Variants in NBAS observed in about 807,000 individuals in gnomAD.
NBAS encodes the protein NBAS subunit of NRZ tethering complex, also known as NAG/BC035112 fusion.
A neutral mutation model predicts 302.5 loss-of-function variants in NBAS; 219 were observed. The observed-to-expected ratio is 0.72, with a 90% CI of 0.65 to 0.81. NBAS has a LOEUF of 0.81. NBAS is among the 30% of genes least tolerant of loss of function. The pLI, the probability that NBAS is intolerant of heterozygous loss-of-function variation, is 0.00. For synonymous variants in NBAS, 1,118 were observed against 1,021.6 expected (o/e 1.09, Z -1.80); for missense variants, 2,932 against 2,841.6 (o/e 1.03, Z -0.72).
chr2:14,792,363 G>A, the NBAS span, among the ~76,000 whole-genome samples: 7 of 152,204 alleles, frequency 4.6e-5, no homozygotes, highest in African/African-American at 1.4e-4. Flanking sequence ...GTGGTCTACA[G>A]TTGGGCAAAA....
the NBAS span, among the ~76,000 whole-genome samples, chr2:15,067,480 G>A: frequency 5.3e-4 from 76 of 143,854 alleles, no homozygotes; most frequent in African/African-American, 1.9e-3. Flanking sequence ...GAGGGGAGAG[G>A]AGAAGAGAAG....
At chr2:15,308,850 T>C (rs975911469) in intron 39 of NBAS, among the ~76,000 whole-genome samples, 21 of 152,114 alleles carry the variant, frequency 1.4e-4, no homozygotes, top group African/African-American at 5.1e-4. Flanking sequence ...ACCTAATTTA[T>C]TGAGAGTTTT....
chr2:15,489,701 G>A (rs1421079702), intron 11 of NBAS, among the ~76,000 whole-genome samples: 1 of 152,214 alleles, frequency 6.6e-6, no homozygotes, highest in Non-Finnish European at 1.5e-5. Context: ...CAGAGGAAGA[G>A]TTATCCTTCC....
At chr2:15,024,128 T>A in the NBAS span, among the ~76,000 whole-genome samples, 2 of 152,008 alleles carry the variant, frequency 1.3e-5, no homozygotes, top group Admixed American at 1.3e-4. Context: ...CCTCCCACCC[T>A]CCTTTCTCCA....
rs139721454 is a variant in NBAS at position 15,330,608 on chromosome 2, C to T, written c.4337G>A (p.Arg1446Gln). 7.6e-5 allele frequency: 122 copies of T among 1,613,626 alleles called. No homozygotes were observed. The highest frequency in any genetic ancestry group is 3.3e-4 in the Middle Eastern group (2 of 6,080). Residue 1446 changes from arginine to glutamine, a missense_variant, in exon 36 of 52, where the codon CGA becomes CAA. By Grantham distance (43) the Arg-to-Gln change is conservative. Coordinates refer to ENST00000281513, the MANE Select transcript of NBAS (RefSeq NM_015909.4). The stretch of plus-strand genomic sequence containing the variant: ...AGATGCACTGCTTACCTGAAGGGGT[C>T]GAAGGTAAGTTAAAGACTTCTTCCA... ...QWWKKSLTYL[R>Q]PLQGQKCGGA...
intron 8 of NBAS, 54 bp downstream of exon 8, chr2:15,536,364 T>G: frequency 6.3e-7 from 1 of 1,582,318 alleles, no homozygotes; most frequent in Non-Finnish European, 8.6e-7. Context: ...AATCTGACAT[T>G]AAACCAGAGA....
At position 15,405,331 on chromosome 2, in the gene NBAS, T is replaced by C. The variant is rs374419033; in HGVS notation, c.2938-3030A>G. Among the ~76,000 whole-genome samples, 6 of 152,252 alleles carry C rather than the reference T, an allele frequency of 3.9e-5. No homozygotes were observed. In the East Asian group the frequency reaches 7.7e-4, roughly 19 times the overall value. ...GCCATTCTGCATATCTTTTAAAATA[T>C]AATCTATCATGTACATGAAACATAC... is the stretch of plus-strand genomic sequence containing the variant. On this transcript the variant is annotated intron_variant, in intron 25 of 51. Transcript: ENST00000281513.
intron 10 of NBAS, among the ~76,000 whole-genome samples, chr2:15,506,870 A>C (rs977925681): frequency 2.0e-5 from 3 of 152,252 alleles, no homozygotes; most frequent in African/African-American, 7.2e-5. Flanking sequence ...AATACGAAGA[A>C]AACAAACTCG....
chr2:15,023,401 A>T, the NBAS span, among the ~76,000 whole-genome samples: 1 of 152,140 alleles, frequency 6.6e-6, no homozygotes, highest in East Asian at 1.9e-4. Flanking sequence ...TGAGTTCTTA[A>T]ATCATGGGAA....
chr2:14,871,674 T>C, the NBAS span, among the ~76,000 whole-genome samples: 1 of 152,102 alleles, frequency 6.6e-6, no homozygotes, highest in Non-Finnish European at 1.5e-5. Context: ...TATATTACTG[T>C]AAAATAGACT....
the NBAS span, among the ~76,000 whole-genome samples, chr2:15,159,454 A>G: frequency 1.8e-3 from 162 of 92,302 alleles, 4 homozygotes; most frequent in East Asian, 0.043. Flanking sequence ...AGGAGGGACC[A>G]GCACGTTACA....
At chr2:15,067,091 G>A in the NBAS span, among the ~76,000 whole-genome samples, 1 of 144,778 alleles carries the variant, frequency 6.9e-6, no homozygotes, top group African/African-American at 2.7e-5. Context: ...GGGAGGCCAA[G>A]GCGGGTGGAT....
chr2:15,416,421 A>G (rs1455814644), intron 24 of NBAS, among the ~76,000 whole-genome samples: 1 of 152,200 alleles, frequency 6.6e-6, no homozygotes, highest in African/African-American at 2.4e-5. Flanking sequence ...AAGAGGAGTC[A>G]ACATATAACA....
At chr2:15,513,252 G>C (rs1662225445) in intron 9 of NBAS, among the ~76,000 whole-genome samples, 1 of 152,172 alleles carries the variant, frequency 6.6e-6, no homozygotes, top group African/African-American at 2.4e-5. Context: ...AAAAAACTTT[G>C]AGACGATGCC....
intron 40 of NBAS, among the ~76,000 whole-genome samples, chr2:15,297,100 GTCTCA>G (rs1670584193): frequency 6.6e-6 from 1 of 152,140 alleles, no homozygotes; most frequent in African/African-American, 2.4e-5. Context: ...CATGTACTGA[GTCTCA>G]TTTTGCATTA....
chr2:15,355,399 T>C (rs367985785), intron 33 of NBAS, among the ~76,000 whole-genome samples: 1 of 152,188 alleles, frequency 6.6e-6, no homozygotes, highest in Non-Finnish European at 1.5e-5. Context: ...TATTCTACAA[T>C]AAAATCTGAT....
the NBAS span, among the ~76,000 whole-genome samples, chr2:14,831,088 C>T: frequency 2.0e-5 from 3 of 152,180 alleles, no homozygotes; most frequent in Admixed American, 1.3e-4. Context: ...TACCTGAAAT[C>T]ATGCTTTGTG....
the NBAS span, among the ~76,000 whole-genome samples, chr2:14,967,014 TGATA>T: frequency 6.6e-6 from 1 of 152,178 alleles, no homozygotes; most frequent in African/African-American, 2.4e-5. Context: ...TCATGTATAC[TGATA>T]AACAATTAGA....
chr2:15,191,508 A>G (rs779033610), intron 48 of NBAS, among the ~76,000 whole-genome samples: 3 of 152,170 alleles, frequency 2.0e-5, no homozygotes, highest in South Asian at 2.1e-4. Context: ...AATAGCCCAC[A>G]GCCATTTTGT....
Sources: gnomAD v4.1 joint callset for allele counts (sites outside exome capture counted in the v4.1 genomes callset) on GRCh38, gnomAD v4.1.1 for gene constraint, MANE v1.5 for transcripts, NCBI Gene and HGNC (gene_info 2026-07-23, HGNC 2026-07-21) for gene names.